OPHN1: variants seen among roughly 807,000 people sequenced by gnomAD.
OPHN1 encodes oligophrenin 1, also known as oligophrenin-1.
OPHN1 carries 11 observed loss-of-function variants against 60.7 expected under a neutral mutation model. The ratio of observed to expected loss-of-function variants is 0.18; its 90% CI spans 0.11 to 0.30. The LOEUF is 0.30. Among genes scored for constraint, OPHN1 ranks in the 10% least tolerant of loss-of-function variants. The pLI is 1.00. For synonymous variants in OPHN1, 226 were observed against 222.6 expected, an observed-to-expected ratio of 1.02 and a Z score of -0.14; for missense variants, 449 against 611.0, an observed-to-expected ratio of 0.73 and a Z score of 2.80.
At chrX:68,264,640 G>A (rs2077913000) in intron 5 of OPHN1, among the ~76,000 whole-genome samples, 2 of 111,880 alleles carry the variant, frequency 1.8e-5, no homozygotes, top group Non-Finnish European at 3.8e-5. Context: ...TCCAACTGAG[G>A]TACTGGGTTC....
At chrX:68,217,381 T>A (rs1013222759) in intron 6 of OPHN1, among the ~76,000 whole-genome samples, 21 of 111,602 alleles carry the variant, frequency 1.9e-4, no homozygotes, top group African/African-American at 6.2e-4. Context: ...CAGGCTTGCA[T>A]AGGTAAACAA....
At chrX:68,383,578 G>A (rs1355763971) in intron 2 of OPHN1, among the ~76,000 whole-genome samples, 10 of 82,193 alleles carry the variant, frequency 1.2e-4, no homozygotes, top group Non-Finnish European at 2.0e-4. Flanking sequence ...CAGCTTGGGT[G>A]ACAGCGAGTC....
chrX:68,078,697 C>T (rs1000564386), intron 19 of OPHN1, among the ~76,000 whole-genome samples: 1 of 111,071 alleles, frequency 9.0e-6, no homozygotes, highest in Non-Finnish European at 1.9e-5. Context: ...TAGAAGTAAA[C>T]TTCTTCAGCT....
intron 17 of OPHN1, chrX:68,112,443 G>C (rs1313039017): frequency 2.6e-5 from 3 of 116,476 alleles, no homozygotes; most frequent in African/African-American, 9.8e-5. Flanking sequence ...GTACTGAGAA[G>C]TGTGCTGCTG....
At chrX:68,113,764 T>C (rs1341331816) in intron 16 of OPHN1, among the ~76,000 whole-genome samples, 6 of 84,724 alleles carry the variant, frequency 7.1e-5, no homozygotes, top group Non-Finnish European at 1.3e-4. Context: ...AATTGAACAA[T>C]GAGAACACAT....
chrX:68,279,262 G>T (rs1325795329), intron 4 of OPHN1, among the ~76,000 whole-genome samples: 1 of 104,682 alleles, frequency 9.6e-6, no homozygotes, highest in African/African-American at 3.5e-5. Flanking sequence ...AGAGATGCAC[G>T]ATAACGCCCA....
intron 4 of OPHN1, among the ~76,000 whole-genome samples, chrX:68,280,217 C>T (rs1410001): frequency 0.34 from 37,338 of 110,715 alleles, 8,086 homozygotes; most frequent in African/African-American, 0.81. Flanking sequence ...AAGCAGAATC[C>T]TGTGAGTAAC....
chrX:68,292,581 T>C (rs2078075660), intron 3 of OPHN1, among the ~76,000 whole-genome samples: 1 of 111,527 alleles, frequency 9.0e-6, no homozygotes, highest in Admixed American at 9.6e-5. Flanking sequence ...TATGTTTTAA[T>C]CTGATGCTTC....
intron 21 of OPHN1, among the ~76,000 whole-genome samples, chrX:68,059,869 C>T (rs1886712435): frequency 9.0e-6 from 1 of 111,520 alleles, no homozygotes; most frequent in Admixed American, 9.6e-5. Context: ...GAATGAAGGT[C>T]TCCTTGCTCC....
At chrX:68,308,869 T>C in intron 2 of OPHN1, among the ~76,000 whole-genome samples, 1 of 109,657 alleles carries the variant, frequency 9.1e-6, no homozygotes, top group Non-Finnish European at 1.9e-5. Context: ...AGCCTCAACC[T>C]CCTGGGCTCA....
chrX:68,311,563 A>G (rs5965541), intron 2 of OPHN1, among the ~76,000 whole-genome samples: 9,071 of 110,529 alleles, frequency 0.082, 933 homozygotes, highest in African/African-American at 0.29. Context: ...CTCCCGAGTA[A>G]CTGGGATTAT....
chrX:68,288,600 C>T (rs779826955), intron 3 of OPHN1, among the ~76,000 whole-genome samples: 1 of 110,429 alleles, frequency 9.1e-6, no homozygotes, highest in East Asian at 2.9e-4. Context: ...CCCGTCTCTA[C>T]TAAAAATACA....
At chrX:68,231,092 C>T (rs950978827) in intron 6 of OPHN1, among the ~76,000 whole-genome samples, 1 of 110,786 alleles carries the variant, frequency 9.0e-6, no homozygotes, top group South Asian at 3.8e-4. Context: ...AATGAGATCC[C>T]GTCATTTGCA....
intron 6 of OPHN1, 104 bp downstream of exon 6, chrX:68,234,383 T>G: frequency 1.6e-6 from 1 of 638,451 alleles, no homozygotes; most frequent in Non-Finnish European, 2.6e-6. Flanking sequence ...CACATGAGGT[T>G]CCCTGCTGAG....
At chrX:68,399,791 A>G (rs1230355028) in intron 2 of OPHN1, among the ~76,000 whole-genome samples, 1 of 108,851 alleles carries the variant, frequency 9.2e-6, no homozygotes, top group Non-Finnish European at 1.9e-5. Flanking sequence ...ATACCTTCCA[A>G]CTACATTGGT....
chrX:68,166,488 T>G lies in OPHN1; in HGVS notation c.1276+26431A>C, dbSNP rs760101245. On this transcript the variant is annotated intron_variant, in intron 15 of 24. Coordinates refer to ENST00000355520, the MANE Select transcript of OPHN1 (RefSeq NM_002547.3). ...GGCAGAGGTTGCAGTGAGCCAAAAT[T>G]GCACCACTGCACTCCAGCCTGGGCA... Among the ~76,000 whole-genome samples, 3 of 111,049 alleles carry G rather than the reference T, an allele frequency of 2.7e-5. No homozygotes were observed. In the South Asian group the frequency reaches 1.2e-3, roughly 43 times the overall value.
intron 2 of OPHN1, among the ~76,000 whole-genome samples, chrX:68,358,893 T>C (rs1483901668): frequency 8.9e-6 from 1 of 111,763 alleles, no homozygotes; most frequent in Admixed American, 9.6e-5. Flanking sequence ...AGTGGAAATG[T>C]GGTTCAAATC....
At chrX:68,065,668 T>G (rs962595320) in intron 20 of OPHN1, among the ~76,000 whole-genome samples, 5 of 111,825 alleles carry the variant, frequency 4.5e-5, no homozygotes, top group Non-Finnish European at 9.4e-5. Flanking sequence ...AATTTTCTCC[T>G]CAGTAAAACG....
In OPHN1 at chrX:68,217,687, A is replaced by C. The variant is rs763240735; in HGVS notation, c.487-3715T>G. ...GGGACATACTGACACCTCACACGGCAGGGTACTCCAACAGACCTGCAGCTG... is the reference window on the plus strand; with the variant it reads ...GGGACATACTGACACCTCACACGGCCGGGTACTCCAACAGACCTGCAGCTG... On this transcript the variant is annotated intron_variant, in intron 6 of 24. Coordinates refer to ENST00000355520, the MANE Select transcript of OPHN1 (RefSeq NM_002547.3). 3.3e-3 allele frequency among the ~76,000 whole-genome samples: 368 copies of C among 110,680 alleles called. 3 individuals are homozygous for C. Among genetic ancestry groups the C allele is most frequent in the African/African-American group, 0.012 (354 of 30,472 alleles).
Sources: gnomAD v4.1 joint callset for allele counts (sites outside exome capture counted in the v4.1 genomes callset) on GRCh38, gnomAD v4.1.1 for gene constraint, MANE v1.5 for transcripts, NCBI Gene and HGNC (gene_info 2026-07-23, HGNC 2026-07-21) for gene names.